Variants in KIF14 observed in about 807,000 individuals in gnomAD.
The protein encoded by KIF14 is kinesin-like protein KIF14.
Under a neutral mutation model 176.2 loss-of-function variants are expected in KIF14, and 98 were observed. That is an observed-to-expected ratio of 0.56 (90% CI 0.47 to 0.66). KIF14 has a LOEUF of 0.66. Among genes scored for constraint, KIF14 ranks in the 30% least tolerant of loss-of-function variants. KIF14 has a pLI of 0.00. For synonymous variants in KIF14, 566 were observed against 632.2 expected (o/e 0.90, Z 1.57); for missense variants, 1,751 against 1,920.4 (o/e 0.91, Z 1.65).
chr1:200,573,957 A>C (rs1290456363), intron 22 of KIF14, among the ~76,000 whole-genome samples: 3 of 152,160 alleles, frequency 2.0e-5, no homozygotes, highest in Admixed American at 6.5e-5. Context: ...CAGTTAAGAA[A>C]ATCAGGAGCT....
chr1:200,579,188 G>A (rs1232263945), intron 21 of KIF14, among the ~76,000 whole-genome samples: 1 of 152,210 alleles, frequency 6.6e-6, no homozygotes, highest in African/African-American at 2.4e-5. Context: ...TACAGTACAG[G>A]TTGCACACAA....
chr1:200,571,375 C>A (rs1657781862), intron 22 of KIF14, among the ~76,000 whole-genome samples: 2 of 150,614 alleles, frequency 1.3e-5, no homozygotes. Flanking sequence ...GCTGCCTAAG[C>A]TGTTATTTTC....
intron 16 of KIF14, 124 bp downstream of exon 16, chr1:200,591,956 G>A (rs1406799187): frequency 5.3e-6 from 4 of 753,644 alleles, no homozygotes; most frequent in Non-Finnish European, 8.5e-6. Flanking sequence ...TGTACTAAGA[G>A]AAAAAATTAT....
In KIF14 at chr1:200,618,405, A is replaced by G. The variant is rs775388342; in HGVS notation, c.319T>C (p.Leu107=). 15 of 1,614,142 alleles carry G rather than the reference A, an allele frequency of 9.3e-6. No homozygotes were observed. The South Asian group carries it at 1.4e-4, about 15-fold the overall frequency. The change falls in exon 2 of 30, where the codon TTG becomes CTG. Residue 107 remains leucine (L), a synonymous_variant. Coordinates refer to ENST00000367350, the MANE Select transcript of KIF14 (RefSeq NM_014875.3). ...NKESSLLVSE[L]EDTTEKTAET... ...GCTGTTTTTTCAGTTGTGTCTTCCA[A>G]CTCACTAACAAGCAAAGATGATTCT...
rs775912752 is a variant in KIF14 at position 200,608,787 on chromosome 1, A to C, written c.1554+43T>G. 4.2e-6 allele frequency: 5 copies of C among 1,198,336 alleles called. No homozygotes were observed. In the Admixed American group the frequency reaches 8.6e-5, roughly 21 times the overall value. The allele number at this position is 1,198,336 out of a possible 1,614,324, so 74.2% of individuals were successfully genotyped here. On this transcript the variant is annotated intron_variant, in intron 5 of 29. Transcript: ENST00000367350. ...ACTCAAATAATTAGATACATTTATA[A>C]GAACAGAAATTCAAAACAAATAATA...
chr1:200,556,839 C>T (rs1052933367), intron 27 of KIF14, among the ~76,000 whole-genome samples: 7 of 152,162 alleles, frequency 4.6e-5, no homozygotes, highest in Admixed American at 1.3e-4. Flanking sequence ...TTTGAGACGT[C>T]AGTGGTGGTC....
rs1660477342 is a variant in KIF14, at chr1:200,617,806, A to G, written c.918T>C (p.Asn306=). The G allele has an allele frequency of 6.2e-7, 1 of 1,614,142 alleles. No homozygotes were observed. Among genetic ancestry groups the G allele is most frequent in the East Asian group, 2.2e-5 (1 of 44,884 alleles). ...GTTTAACTTGAAGGTTAGACATTCTATTCTTCAGTATTGATGGAGCTGGGC... is the reference window on the plus strand; with the variant it reads ...GTTTAACTTGAAGGTTAGACATTCTGTTCTTCAGTATTGATGGAGCTGGGC... ...LKSPAPSILK[N]RMSNLQVKQR... is the part of the protein sequence containing the mutation. Residue 306 remains asparagine (N), a synonymous_variant, in exon 2 of 30, where the codon AAT becomes AAC. Coordinates refer to ENST00000367350, the MANE Select transcript of KIF14 (RefSeq NM_014875.3).
rs1657236516 is a variant in KIF14, at chr1:200,562,843, C to T, written c.4072-1963G>A. Among the ~76,000 whole-genome samples, 4 of 151,950 alleles carry T rather than the reference C, an allele frequency of 2.6e-5. No individual in the cohort carries two copies. In the South Asian group the frequency reaches 8.3e-4, roughly 32 times the overall value. ...ACCTATATCCAAAGTCATCCTTCAT[C>T]CCATATGAATTTATAATTAATTCAA... On this transcript the variant is annotated intron_variant, in intron 25 of 29. Transcript: ENST00000367350.
At chr1:200,586,803 AT>A (rs1558068152) in intron 18 of KIF14, among the ~76,000 whole-genome samples, 1 of 147,984 alleles carries the variant, frequency 6.8e-6, no homozygotes, top group African/African-American at 2.5e-5. Flanking sequence ...ATATATATAT[AT>A]ATATATATAT....
intron 23 of KIF14, among the ~76,000 whole-genome samples, chr1:200,568,919 T>TG (rs1215550770): frequency 1.5e-5 from 2 of 131,064 alleles, no homozygotes; most frequent in Admixed American, 8.6e-5. Flanking sequence ...TAGCAGGTAG[T>TG]AATTTTTTTT....
chr1:200,572,587 C>T (rs560329795), intron 22 of KIF14, among the ~76,000 whole-genome samples: 13 of 152,286 alleles, frequency 8.5e-5, no homozygotes, highest in South Asian at 4.1e-4. Context: ...TTGTGATCCG[C>T]CCACCTTGGC....
chr1:200,564,119 G>A (rs1399399070), intron 25 of KIF14, among the ~76,000 whole-genome samples: 3 of 151,864 alleles, frequency 2.0e-5, no homozygotes, highest in Non-Finnish European at 2.9e-5. Context: ...AAAATTAGCC[G>A]AGCATGGTGG....
intron 14 of KIF14, among the ~76,000 whole-genome samples, chr1:200,594,368 C>CAAAAAAAAAA (rs371729211): frequency 9.5e-4 from 88 of 92,364 alleles, no homozygotes; most frequent in East Asian, 3.8e-3. Flanking sequence ...CCCAAAAATT[C>CAAAAAAAAAA]AAAAAAAAAA....
intron 23 of KIF14, among the ~76,000 whole-genome samples, chr1:200,567,824 A>G (rs565203610): frequency 1.3e-3 from 192 of 151,930 alleles, no homozygotes; most frequent in African/African-American, 4.1e-3. Flanking sequence ...ACTAGAACAA[A>G]GGTAAGAGTT....
chr1:200,617,315 G>A (rs547118302), intron 2 of KIF14, among the ~76,000 whole-genome samples: 36 of 152,138 alleles, frequency 2.4e-4, no homozygotes, highest in African/African-American at 8.7e-4. Flanking sequence ...AGCATATATT[G>A]CAGATCTGAA....
chr1:200,611,790 A>T (rs766149304), intron 4 of KIF14, among the ~76,000 whole-genome samples: 27 of 152,178 alleles, frequency 1.8e-4, no homozygotes, highest in Non-Finnish European at 3.1e-4. Flanking sequence ...AGTTGGGCTC[A>T]CTATGTGCCA....
chr1:200,610,796 G>A (rs1170010971), intron 4 of KIF14, among the ~76,000 whole-genome samples: 1 of 152,032 alleles, frequency 6.6e-6, no homozygotes, highest in Non-Finnish European at 1.5e-5. Flanking sequence ...TGACTAATCA[G>A]AAAAGGGAAA....
In KIF14 at chr1:200,617,787, CT is replaced by C; in HGVS notation, c.936del (p.Val313LeufsTer29). The stretch of plus-strand genomic sequence containing the variant: ...AAGGAACTTTTTGGTCTTTGTTTAA[CT>C]TGAAGGTTAGACATTCTATTCTTCA... ...SILKNRMSNLQVKQRPKSSFL... is the reference protein window; with the variant it reads ...SILKNRMSNLXVKQRPKSSFL... On this transcript the variant is annotated frameshift_variant, in exon 2 of 30. Coordinates refer to ENST00000367350, the MANE Select transcript of KIF14 (RefSeq NM_014875.3). LOFTEE classifies it high-confidence loss of function. 6.2e-7 allele frequency: 1 copy of C among 1,614,156 alleles called. No individual in the cohort carries two copies. The highest frequency in any genetic ancestry group is 1.3e-5 in the African/African-American group (1 of 75,040).
intron 16 of KIF14, among the ~76,000 whole-genome samples, chr1:200,591,874 T>A (rs1183150396): frequency 7.2e-5 from 11 of 152,180 alleles, no homozygotes. Flanking sequence ...TCCTTATTCT[T>A]TATATCTCCA....
Sources: allele counts gnomAD v4.1 joint callset (sites outside exome capture counted in the v4.1 genomes callset), GRCh38; gene constraint gnomAD v4.1.1; transcripts MANE v1.5; gene names NCBI Gene and HGNC (gene_info 2026-07-23, HGNC 2026-07-21).